DGKB: variants seen among roughly 807,000 people sequenced by gnomAD.
The protein encoded by DGKB is diacylglycerol kinase beta, also known as 90 kDa diacylglycerol kinase.
A neutral mutation model predicts 114.3 loss-of-function variants in DGKB; 67 were observed. The observed-to-expected ratio is 0.59, with a 90% CI of 0.48 to 0.72. DGKB has a LOEUF of 0.72. DGKB is among the 30% of genes least tolerant of loss of function. The pLI, the probability that DGKB is intolerant of heterozygous loss-of-function variation, is 0.00. For synonymous variants in DGKB, 398 were observed against 323.1 expected, an observed-to-expected ratio of 1.23 and a Z score of -2.49; for missense variants, 907 against 975.2, an observed-to-expected ratio of 0.93 and a Z score of 0.93.
At chr7:14,569,913 T>G (rs963236260) in intron 20 of DGKB, among the ~76,000 whole-genome samples, 74 of 151,768 alleles carry the variant, frequency 4.9e-4, no homozygotes, top group African/African-American at 1.8e-3. Flanking sequence ...AGGTCATGTG[T>G]ATTTTTTATT....
intron 20 of DGKB, among the ~76,000 whole-genome samples, chr7:14,497,480 A>G (rs1057432428): frequency 3.3e-5 from 5 of 151,858 alleles, no homozygotes; most frequent in Non-Finnish European, 7.4e-5. Flanking sequence ...CCATCCCCCC[A>G]TATCATAAGA....
chr7:14,831,616 T>G (rs1173415131), intron 2 of DGKB, among the ~76,000 whole-genome samples: 3 of 151,952 alleles, frequency 2.0e-5, no homozygotes, highest in Admixed American at 6.6e-5. Flanking sequence ...AAAAAAAACA[T>G]GAGGTACATG....
chr7:14,799,604 C>T (rs1392797475), intron 2 of DGKB, among the ~76,000 whole-genome samples: 1 of 152,174 alleles, frequency 6.6e-6, no homozygotes, highest in Non-Finnish European at 1.5e-5. Flanking sequence ...TTGCATTTGG[C>T]TCTCCCTACA....
chr7:14,945,888 A>C (rs867342297), intron 1 of DGKB, among the ~76,000 whole-genome samples: 1 of 151,632 alleles, frequency 6.6e-6, no homozygotes, highest in Admixed American at 6.6e-5. Flanking sequence ...TATAGTAGAC[A>C]AGTCACAACG....
rs546376250 is a variant in DGKB at position 14,926,419 on chromosome 7, G to C, written c.-188+48277C>G. On this transcript the variant is annotated intron_variant, in intron 1 of 4. Transcript: ENST00000437998. ...CATTTTTCAAGTCCTGCTGTTCCTA[G>C]ACAGCTAGCCTACTTTTTTTCCACC... is the stretch of plus-strand genomic sequence containing the variant. 9.3e-5 allele frequency among the ~76,000 whole-genome samples: 14 copies of C among 151,002 alleles called. 1 individual carries two copies. In the South Asian group the frequency reaches 2.9e-3, roughly 32 times the overall value.
At chr7:14,592,941 G>C (rs1303455331) in intron 17 of DGKB, among the ~76,000 whole-genome samples, 1 of 151,850 alleles carries the variant, frequency 6.6e-6, no homozygotes, top group Non-Finnish European at 1.5e-5. Context: ...AATTCGTTTA[G>C]AGTTTTGAGA....
chr7:14,754,281 A>T lies in DGKB; in HGVS notation c.148-333T>A, dbSNP rs193141526. 2.3e-3 allele frequency among the ~76,000 whole-genome samples: 353 copies of T among 152,268 alleles called. 1 individual carries two copies. Among genetic ancestry groups the T allele is most frequent in the Non-Finnish European group, 3.6e-3 (244 of 67,986 alleles). ...AATTTCAGAATCAATGACTAGATCA[A>T]TCTTTGTATATAATAAGCAAACTGT... On this transcript the variant is annotated intron_variant, in intron 3 of 25. Transcript: ENST00000402815.
chr7:14,302,526 G>C (rs1803735884), intron 23 of DGKB, among the ~76,000 whole-genome samples: 1 of 152,032 alleles, frequency 6.6e-6, no homozygotes, highest in Non-Finnish European at 1.5e-5. Flanking sequence ...CGGCCCCATT[G>C]CTCGTTTTAC....
intron 19 of DGKB, among the ~76,000 whole-genome samples, 159 bp downstream of exon 19, chr7:14,580,703 T>G (rs1028984070): frequency 6.6e-6 from 1 of 152,214 alleles, no homozygotes; most frequent in Non-Finnish European, 1.5e-5. Context: ...CTATTTGTTC[T>G]TCTATCCAAG....
intron 20 of DGKB, among the ~76,000 whole-genome samples, chr7:14,486,279 G>A (rs1783793466): frequency 6.6e-6 from 1 of 152,130 alleles, no homozygotes. Flanking sequence ...AAAAACAGAT[G>A]GTGGCCTCTA....
At chr7:14,757,828 A>G in intron 2 of DGKB, 97 bp from the exon 3 acceptor site, 1 of 573,900 alleles carries the variant, frequency 1.7e-6, no homozygotes. Flanking sequence ...GTAAATAAGC[A>G]TCAGCAGAAA....
At chr7:14,762,013 G>A (rs914286016) in intron 2 of DGKB, among the ~76,000 whole-genome samples, 21 of 152,092 alleles carry the variant, frequency 1.4e-4, no homozygotes, top group Admixed American at 5.2e-4. Flanking sequence ...GACTGGCAGG[G>A]CAGGATACTT....
At chr7:14,589,685 A>C (rs146911587) in intron 17 of DGKB, among the ~76,000 whole-genome samples, 5 of 152,110 alleles carry the variant, frequency 3.3e-5, no homozygotes, top group South Asian at 4.1e-4. Flanking sequence ...GGTTAGTGTG[A>C]GAATAAACAT....
At chr7:14,702,752 T>C (rs1825424818) in intron 6 of DGKB, among the ~76,000 whole-genome samples, 1 of 152,210 alleles carries the variant, frequency 6.6e-6, no homozygotes, top group South Asian at 2.1e-4. Flanking sequence ...CATAATTATA[T>C]AATGACCCTG....
intron 1 of DGKB, among the ~76,000 whole-genome samples, chr7:14,859,604 T>C (rs1157598561): frequency 6.6e-6 from 1 of 152,142 alleles, no homozygotes; most frequent in Non-Finnish European, 1.5e-5. Flanking sequence ...ATACACATTT[T>C]CAGGGTTTTC....
chr7:14,761,671 C>A (rs1835716832), intron 2 of DGKB, among the ~76,000 whole-genome samples: 1 of 152,150 alleles, frequency 6.6e-6, no homozygotes, highest in African/African-American at 2.4e-5. Context: ...AATAATAGAG[C>A]TTCGGGAAAG....
chr7:14,544,991 T>C (rs1794055976), intron 20 of DGKB, among the ~76,000 whole-genome samples: 1 of 152,124 alleles, frequency 6.6e-6, no homozygotes, highest in Admixed American at 6.6e-5. Flanking sequence ...AAAATGTTTT[T>C]TTTTTTAAAA....
chr7:14,858,752 T>C (rs1850542782), intron 1 of DGKB, among the ~76,000 whole-genome samples: 1 of 152,072 alleles, frequency 6.6e-6, no homozygotes, highest in Non-Finnish European at 1.5e-5. Flanking sequence ...TTTAGGTAAT[T>C]GACCAAAATA....
At chr7:14,821,046 T>C (rs62448749) in intron 2 of DGKB, among the ~76,000 whole-genome samples, 49,362 of 152,030 alleles carry the variant, frequency 0.32, 10,245 homozygotes, top group Non-Finnish European at 0.45. Flanking sequence ...TCCTACCCCA[T>C]AATCACTTAA....
Sources: gnomAD v4.1 joint callset for allele counts (sites outside exome capture counted in the v4.1 genomes callset) on GRCh38, gnomAD v4.1.1 for gene constraint, MANE v1.5 for transcripts, NCBI Gene and HGNC (gene_info 2026-07-23, HGNC 2026-07-21) for gene names.